The following PPP2R5B variants were observed in gnomAD, a reference collection of about 807,000 sequenced individuals.
PPP2R5B encodes the protein serine/threonine-protein phosphatase 2A 56 kDa regulatory subunit beta isoform.
PPP2R5B carries 19 observed loss-of-function variants against 59.9 expected under a neutral mutation model. The ratio of observed to expected loss-of-function variants is 0.32; its 90% CI spans 0.22 to 0.47. The LOEUF is 0.47. Among genes scored for constraint, PPP2R5B ranks in the 20% least tolerant of loss-of-function variants. The pLI is 1.00. For missense variants in PPP2R5B, 441 were observed against 640.2 expected (o/e 0.69, Z 3.36); for synonymous variants, 286 against 260.5 (o/e 1.10, Z -0.94).
At chr11:64,928,204 G>A (rs1464559589) in intron 5 of PPP2R5B, 46 bp downstream of exon 5, 1 of 1,613,312 alleles carries the variant, frequency 6.2e-7, no homozygotes, top group Non-Finnish European at 8.5e-7. Flanking sequence ...GGCAGGGGCA[G>A]GCTCTCTGAG....
upstream of PPP2R5B, among the ~76,000 whole-genome samples, chr11:64,920,564 A>G (rs968644067): frequency 6.6e-6 from 1 of 151,962 alleles, no homozygotes; most frequent in Non-Finnish European, 1.5e-5. Context: ...TTGGGAGGAA[A>G]TGGGGTGTTG....
chr11:64,923,718 C>T (rs1332183950), upstream of PPP2R5B, among the ~76,000 whole-genome samples: 1 of 152,190 alleles, frequency 6.6e-6, no homozygotes, highest in East Asian at 1.9e-4. Context: ...CCTCCCCGAC[C>T]TCATTATCTG....
intron 11 of PPP2R5B, among the ~76,000 whole-genome samples, chr11:64,932,466 G>A (rs1167654176): frequency 6.6e-6 from 1 of 152,154 alleles, no homozygotes; most frequent in Non-Finnish European, 1.5e-5. Flanking sequence ...TGTTGAGATA[G>A]GTATTATTAG....
chr11:64,924,627 C>A (rs933793332), upstream of PPP2R5B: 1 of 152,376 alleles, frequency 6.6e-6, no homozygotes, highest in South Asian at 2.1e-4. Context: ...CCCGGGCCTT[C>A]CTGACGCAGC....
intron 1 of PPP2R5B, among the ~76,000 whole-genome samples, chr11:64,917,987 G>A (rs1945056525): frequency 6.6e-6 from 1 of 152,164 alleles, no homozygotes; most frequent in Admixed American, 6.5e-5. Flanking sequence ...CCTCCTTTAA[G>A]CAGGGGGGCA....
At chr11:64,927,682 G>A (rs1027711928) in intron 3 of PPP2R5B, 120 bp from the exon 4 acceptor site, 24 of 769,336 alleles carry the variant, frequency 3.1e-5, no homozygotes, top group Non-Finnish European at 3.6e-5. Context: ...GCTCCAGCTT[G>A]GGCAACAGAG....
Sources: allele counts gnomAD v4.1 joint callset (sites outside exome capture counted in the v4.1 genomes callset), GRCh38; gene constraint gnomAD v4.1.1; transcripts MANE v1.5; gene names NCBI Gene and HGNC (gene_info 2026-07-23, HGNC 2026-07-21).